ZNF236: variants seen among roughly 807,000 people sequenced by gnomAD.
ZNF236 encodes the protein regulated by glucose.
In ZNF236, 50 loss-of-function variants were observed where a neutral mutation model predicts 191.2. The ratio of observed to expected loss-of-function variants is 0.26; its 90% CI spans 0.21 to 0.33. ZNF236 has a LOEUF of 0.33. Among genes scored for constraint, ZNF236 ranks in the 10% least tolerant of loss-of-function variants. The pLI is 1.00. For synonymous variants in ZNF236, 907 were observed against 928.8 expected (o/e 0.98, Z 0.43); for missense variants, 1,754 against 2,374.5 (o/e 0.74, Z 5.43).
intron 1 of ZNF236, among the ~76,000 whole-genome samples, chr18:76,836,886 G>T (rs953244110): frequency 2.6e-5 from 4 of 151,068 alleles, no homozygotes; most frequent in Non-Finnish European, 5.9e-5. Context: ...CTATTTATTT[G>T]TTTTTTTGAG....
chr18:76,889,196 T>G (rs1351715321), intron 9 of ZNF236, among the ~76,000 whole-genome samples: 3 of 152,240 alleles, frequency 2.0e-5, no homozygotes, highest in Non-Finnish European at 4.4e-5. Flanking sequence ...GGCAAATATC[T>G]GCCTTCGAAG....
In ZNF236 at chr18:76,969,068, A is replaced by C; in HGVS notation, c.*729A>C. ...ACACTTACCGCATCAATCTGTGTTC[A>C]GGTCCAGGGTTACATAATTGCAGAA... On this transcript the variant is annotated 3_prime_UTR_variant, in exon 31 of 31. Coordinates refer to ENST00000320610, the MANE Select transcript of ZNF236 (RefSeq NM_001306089.2). 1 of 790,920 alleles carries C rather than the reference A, an allele frequency of 1.3e-6. No homozygotes were observed. The highest frequency in any genetic ancestry group is 1.5e-6 in the Non-Finnish European group (1 of 651,758). 49.0% of individuals were successfully genotyped at this position (790,920 alleles called of 1,614,324 possible). A position where few individuals can be genotyped will look rare whatever the true frequency, so the allele number is the denominator to read the frequency against.
At chr18:76,946,234 AAAGGGGAGTT>A (rs1351786801) in intron 26 of ZNF236, among the ~76,000 whole-genome samples, 1 of 152,184 alleles carries the variant, frequency 6.6e-6, no homozygotes, top group Non-Finnish European at 1.5e-5. Flanking sequence ...ATGGTTATAA[AAAGGGGAGTT>A]TCCCTGCACA....
intron 19 of ZNF236, among the ~76,000 whole-genome samples, chr18:76,916,102 C>A (rs563649650): frequency 6.6e-6 from 1 of 152,338 alleles, no homozygotes; most frequent in South Asian, 2.1e-4. Context: ...TTGGCATTCA[C>A]TCTCACACTG....
At chr18:76,838,736 T>G (rs1975403816) in intron 1 of ZNF236, among the ~76,000 whole-genome samples, 1 of 152,226 alleles carries the variant, frequency 6.6e-6, no homozygotes, top group Non-Finnish European at 1.5e-5. Context: ...GAGTAAACTA[T>G]ATTGATATAT....
Position 76,937,158 on chromosome 18 carries a change from C to T in ZNF236, c.4597C>T (p.Leu1533Phe). 1 of 1,613,456 alleles carries T rather than the reference C, an allele frequency of 6.2e-7. No homozygotes were observed. The highest frequency in any genetic ancestry group is 8.5e-7 in the Non-Finnish European group (1 of 1,179,484). ...TACTTACTTTGCCTCTTTTGTAGAA[C>T]TTAACACTACAAGCGGAAGCCTTCC... ...PQEITLTISE[L>F]NTTSGSLPST... is the part of the protein sequence containing the mutation. Residue 1533 changes from leucine (L) to phenylalanine (F), a missense_variant and splice_region_variant, in exon 26 of 31, where the codon CTT becomes TTT. Around this residue, in one of 5 missense-constraint regions of ZNF236, gnomAD observed 606 missense variants for 761.5 expected, o/e 0.80. Coordinates refer to ENST00000320610, the MANE Select transcript of ZNF236 (RefSeq NM_001306089.2).
intron 1 of ZNF236, chr18:76,849,233 G>A (rs1975787776): frequency 3.7e-6 from 1 of 270,290 alleles, no homozygotes; most frequent in Admixed American, 5.2e-5. Flanking sequence ...TGGCTTTTGT[G>A]TGTTTTGGTG....
intron 16 of ZNF236, 41 bp downstream of exon 16, chr18:76,910,852 C>T (rs1967200541): frequency 1.2e-6 from 2 of 1,606,146 alleles, no homozygotes; most frequent in African/African-American, 1.3e-5. Context: ...CAGTATTTAG[C>T]AGGTGCTATG....
chr18:76,900,599 C>T (rs1977561513), intron 11 of ZNF236, among the ~76,000 whole-genome samples: 1 of 152,084 alleles, frequency 6.6e-6, no homozygotes, highest in Non-Finnish European at 1.5e-5. Flanking sequence ...TCCAAAATTT[C>T]ATTACATGAA....
chr18:76,863,695 G>A (rs1469383120), intron 3 of ZNF236, among the ~76,000 whole-genome samples: 1 of 151,738 alleles, frequency 6.6e-6, no homozygotes, highest in African/African-American at 2.4e-5. Context: ...CCAAAGTCCT[G>A]GGATTACACA....
chr18:76,940,792 C>G (rs536919971), intron 26 of ZNF236, among the ~76,000 whole-genome samples: 1 of 152,274 alleles, frequency 6.6e-6, no homozygotes, highest in African/African-American at 2.4e-5. Flanking sequence ...ACAGGGGTCC[C>G]CAACTCCCAG....
At chr18:76,859,414 G>A (rs530817923) in intron 3 of ZNF236, among the ~76,000 whole-genome samples, 4 of 152,192 alleles carry the variant, frequency 2.6e-5, no homozygotes, top group East Asian at 3.9e-4. Context: ...AAGGGTCTGC[G>A]TATTAACCAG....
intron 5 of ZNF236, among the ~76,000 whole-genome samples, chr18:76,874,991 G>A (rs1231802092): frequency 6.6e-6 from 1 of 152,196 alleles, no homozygotes; most frequent in Non-Finnish European, 1.5e-5. Context: ...GACTTAAAGA[G>A]GGTCATTTTG....
At chr18:76,902,172 G>A (rs1339682361) in intron 11 of ZNF236, among the ~76,000 whole-genome samples, 1 of 152,192 alleles carries the variant, frequency 6.6e-6, no homozygotes, top group Non-Finnish European at 1.5e-5. Flanking sequence ...TTGCTAGAGG[G>A]AGCTTCACAC....
intron 11 of ZNF236, among the ~76,000 whole-genome samples, chr18:76,903,145 T>C (rs1977648567): frequency 6.6e-6 from 1 of 152,246 alleles, no homozygotes; most frequent in Admixed American, 6.5e-5. Flanking sequence ...GTGAATTTCC[T>C]TAAATCTAAT....
chr18:76,905,103 CATT>C (rs1409862553), intron 12 of ZNF236, 49 bp from the exon 13 acceptor site: 2 of 1,523,046 alleles, frequency 1.3e-6, no homozygotes, highest in African/African-American at 2.8e-5. Context: ...AGTCACAAAG[CATT>C]ATAAAAGTAT....
At position 76,937,212 on chromosome 18, in the gene ZNF236, A is replaced by G. The variant is rs1044734587; in HGVS notation, c.4651A>G (p.Ile1551Val). ...PSTTPMSPSAISTQNLVMSSS... is the reference protein window; with the variant it reads ...PSTTPMSPSAVSTQNLVMSSS... Reference sequence around the variant, plus strand: ...AACAACACCGATGTCTCCATCGGCCATCTCGACTCAGAACCTGGTCATGTC... The same window carrying G: ...AACAACACCGATGTCTCCATCGGCCGTCTCGACTCAGAACCTGGTCATGTC... Residue 1551 changes from isoleucine (I) to valine (V), a missense_variant, in exon 26 of 31, where the codon ATC (isoleucine) becomes GTC (valine). Physicochemically the swap from Ile to Val is conservative, Grantham distance 29 (BLOSUM62 3). Coordinates refer to ENST00000320610, the MANE Select transcript of ZNF236 (RefSeq NM_001306089.2). 1.2e-6 allele frequency: 2 copies of G among 1,614,168 alleles called. No homozygotes were observed. Among genetic ancestry groups the G allele is most frequent in the Admixed American group, 3.3e-5 (2 of 60,022 alleles).
At chr18:76,946,322 A>C (rs1434246688) in intron 26 of ZNF236, among the ~76,000 whole-genome samples, 1 of 152,216 alleles carries the variant, frequency 6.6e-6, no homozygotes, top group East Asian at 1.9e-4. Context: ...CACCATGATC[A>C]TGAGGCTTCC....
chr18:76,899,125 G>A lies in ZNF236; in HGVS notation c.1797G>A (p.Met599Ile), dbSNP rs376160562. Reference protein sequence around the residue: ...SHFKHTELRKMRHQRKPAKVR... With the variant: ...SHFKHTELRKIRHQRKPAKVR... ...TTAAACATACGGAATTAAGGAAAAT[G>A]AGGCACCAGCGTAAACCTGCAAAGG... The change falls in exon 11 of 31, where the codon ATG (methionine) becomes ATA (isoleucine). Residue 599 changes from methionine (M) to isoleucine (I), a missense_variant. Physicochemically the swap from Met to Ile is conservative, Grantham distance 10 (BLOSUM62 1). Around this residue, in one of 5 missense-constraint regions of ZNF236, gnomAD observed 641 missense variants for 869.6 expected, o/e 0.74. Coordinates refer to ENST00000320610, the MANE Select transcript of ZNF236 (RefSeq NM_001306089.2). The A allele has an allele frequency of 4.3e-6, 7 of 1,614,048 alleles. No individual in the cohort carries two copies. In the African/African-American group the frequency reaches 9.3e-5, roughly 22 times the overall value.
Sources: gnomAD v4.1 joint callset for allele counts (sites outside exome capture counted in the v4.1 genomes callset) on GRCh38, gnomAD v4.1.1 for gene constraint, gnomAD v4.1.1 regional missense constraint, MANE v1.5 for transcripts, NCBI Gene and HGNC (gene_info 2026-07-23, HGNC 2026-07-21) for gene names.